CFAP45: variants seen among roughly 807,000 people sequenced by gnomAD.
CFAP45 encodes the protein cilia and flagella associated protein 45.
CFAP45 carries 43 observed loss-of-function variants against 75.6 expected under a neutral mutation model. That is an observed-to-expected ratio of 0.57 (90% confidence interval 0.45 to 0.73). The LOEUF (loss-of-function observed/expected upper bound fraction) is 0.73. CFAP45 is among the 30% of genes least tolerant of loss of function. The pLI, the probability that CFAP45 is intolerant of heterozygous loss-of-function variation, is 0.00. For missense variants in CFAP45, 689 were observed against 701.5 expected, an observed-to-expected ratio of 0.98 and a Z score of 0.20; for synonymous variants, 223 against 244.6, an observed-to-expected ratio of 0.91 and a Z score of 0.82.
intron 2 of CFAP45, among the ~76,000 whole-genome samples, chr1:159,891,165 T>C (rs1649821884): frequency 6.6e-6 from 1 of 152,216 alleles, no homozygotes; most frequent in Non-Finnish European, 1.5e-5. Flanking sequence ...CTATACTTAG[T>C]CTAAAATCAT....
intron 1 of CFAP45, among the ~76,000 whole-genome samples, chr1:159,895,942 G>A (rs542247117): frequency 2.6e-5 from 4 of 152,284 alleles, no homozygotes; most frequent in East Asian, 1.9e-4. Context: ...GAATAAAACC[G>A]AACAAGGTGA....
chr1:159,891,876 T>C (rs1649837922), intron 2 of CFAP45, among the ~76,000 whole-genome samples: 1 of 152,220 alleles, frequency 6.6e-6, no homozygotes, highest in South Asian at 2.1e-4. Context: ...AGCCCCCTTT[T>C]GCCAGCCAGC....
At chr1:159,874,450 T>C (rs1476479235) in intron 10 of CFAP45, among the ~76,000 whole-genome samples, 1 of 152,260 alleles carries the variant, frequency 6.6e-6, no homozygotes, top group African/African-American at 2.4e-5. Context: ...AAGAATACTG[T>C]TGGCTTCCTC....
intron 6 of CFAP45, among the ~76,000 whole-genome samples, chr1:159,885,071 G>A (rs897069924): frequency 3.9e-5 from 6 of 152,212 alleles, no homozygotes; most frequent in Admixed American, 6.5e-5. Context: ...GTAAAGGCTG[G>A]AAGAACGGGA....
At chr1:159,893,647 G>A (rs1372580188) in intron 1 of CFAP45, among the ~76,000 whole-genome samples, 1 of 152,172 alleles carries the variant, frequency 6.6e-6, no homozygotes, top group South Asian at 2.1e-4. Context: ...CAGTGAGTGC[G>A]CAGTTACAGT....
chr1:159,884,799 G>A (rs1178801760), intron 6 of CFAP45, among the ~76,000 whole-genome samples: 1 of 152,134 alleles, frequency 6.6e-6, no homozygotes, highest in Non-Finnish European at 1.5e-5. Context: ...CTCTTCCTGA[G>A]ATTCTCCTTC....
intron 5 of CFAP45, among the ~76,000 whole-genome samples, chr1:159,887,108 T>C (rs1272762544): frequency 1.3e-5 from 2 of 152,216 alleles, no homozygotes; most frequent in Non-Finnish European, 2.9e-5. Context: ...GGACCCCTTG[T>C]TCTCCTCAGG....
At position 159,872,974 on chromosome 1, in the gene CFAP45, T is replaced by A; in HGVS notation, c.1547A>T (p.Glu516Val). 6.2e-7 allele frequency: 1 copy of A among 1,614,214 alleles called. No homozygotes were observed. Among genetic ancestry groups the A allele is most frequent in the Non-Finnish European group, 8.5e-7 (1 of 1,180,032 alleles). The change falls in exon 11 of 12, where the codon GAG becomes GTG. Residue 516 changes from glutamate (E) to valine (V), a missense_variant. Transcript: ENST00000368099. ...CTCTTCAAGCTTTTTCCTCTTGATCTCATCGATGCGCTCACGGCGTTTCTG... is the reference window on the plus strand; with the variant it reads ...CTCTTCAAGCTTTTTCCTCTTGATCACATCGATGCGCTCACGGCGTTTCTG... The part of the protein sequence containing the change: ...EAQKRRERID[E>V]IKRKKLEELR...
intron 1 of CFAP45, 95 bp from the exon 2 acceptor site, chr1:159,893,400 G>T: frequency 8.1e-7 from 1 of 1,228,592 alleles, no homozygotes; most frequent in Non-Finnish European, 1.2e-6. Flanking sequence ...GGGGGAGTGG[G>T]TGGGCATGTG....
intron 8 of CFAP45, among the ~76,000 whole-genome samples, chr1:159,878,073 G>A (rs372551226): frequency 5.3e-5 from 8 of 152,288 alleles, no homozygotes; most frequent in Middle Eastern, 3.4e-3. Context: ...CAAGGGTCTT[G>A]CCCAAGATTG....
At chr1:159,875,413 A>G (rs1649376002) in intron 10 of CFAP45, among the ~76,000 whole-genome samples, 1 of 152,128 alleles carries the variant, frequency 6.6e-6, no homozygotes, top group African/African-American at 2.4e-5. Flanking sequence ...TACAGAGCCA[A>G]AGGGTATCAT....
chr1:159,891,400 G>A (rs980317315), intron 2 of CFAP45, among the ~76,000 whole-genome samples: 16 of 152,232 alleles, frequency 1.1e-4, no homozygotes, highest in African/African-American at 3.4e-4. Flanking sequence ...GTTAGAAATC[G>A]CTAAATGACC....
intron 3 of CFAP45, 96 bp downstream of exon 3, chr1:159,890,384 C>T: frequency 1.7e-6 from 2 of 1,175,356 alleles, no homozygotes; most frequent in Non-Finnish European, 2.5e-6. Context: ...ATTGGACTGA[C>T]AGAATGAAAC....
At chr1:159,884,413 G>T in intron 7 of CFAP45, 23 bp downstream of exon 7, 1 of 1,582,898 alleles carries the variant, frequency 6.3e-7, no homozygotes. Flanking sequence ...GTGAAACGTG[G>T]CATTGTCTGT....
intron 11 of CFAP45, 141 bp from the exon 12 acceptor site, chr1:159,872,704 A>C: frequency 1.2e-6 from 1 of 815,586 alleles, no homozygotes; most frequent in Non-Finnish European, 2.0e-6. Flanking sequence ...CCCGAAACAC[A>C]CATTCATGCC....
chr1:159,879,174 T>C (rs1243316183), intron 8 of CFAP45, among the ~76,000 whole-genome samples: 1 of 152,212 alleles, frequency 6.6e-6, no homozygotes, highest in African/African-American at 2.4e-5. Flanking sequence ...CATTCCACTC[T>C]TCCAGCTCCA....
intron 1 of CFAP45, among the ~76,000 whole-genome samples, chr1:159,894,864 C>A (rs1649917203): frequency 6.6e-6 from 1 of 152,184 alleles, no homozygotes; most frequent in South Asian, 2.1e-4. Flanking sequence ...GAACTGGCAG[C>A]CAGACCCAGC....
chr1:159,884,357 A>T (rs1392186265), intron 7 of CFAP45, 79 bp downstream of exon 7: 10 of 1,452,628 alleles, frequency 6.9e-6, no homozygotes, highest in African/African-American at 1.4e-5. Context: ...AAATCAGTCA[A>T]CACCCTGAAA....
In CFAP45 at chr1:159,886,563, A is replaced by T. The variant is rs1461000500; in HGVS notation, c.715T>A (p.Ser239Thr). The T allele has an allele frequency of 6.2e-7, 1 of 1,613,804 alleles. No individual in the cohort carries two copies. ...TCCAGTTCCTCCTGCCTTTGAATGG[A>T]TTTCTGCCGCTCCACTTCCATCATC... ...DQMMEVERQK[S>T]IQRQEELERK... The change falls in exon 6 of 12, where the codon TCC (serine) becomes ACC (threonine). Residue 239 changes from serine to threonine, a missense_variant. Coordinates refer to ENST00000368099, the MANE Select transcript of CFAP45 (RefSeq NM_012337.3).
Sources: allele counts gnomAD v4.1 joint callset (sites outside exome capture counted in the v4.1 genomes callset), GRCh38; gene constraint gnomAD v4.1.1; transcripts MANE v1.5; gene names NCBI Gene and HGNC (gene_info 2026-07-23, HGNC 2026-07-21).